DTNB: variants seen among roughly 807,000 people sequenced by gnomAD.
DTNB encodes the protein DTN-B.
A neutral mutation model predicts 90.7 loss-of-function variants in DTNB; 63 were observed. That is an observed-to-expected ratio of 0.69 (90% CI 0.57 to 0.86). The LOEUF is 0.86. DTNB is among the 40% of genes least tolerant of loss of function. The pLI is 0.00. For synonymous variants in DTNB, 277 were observed against 286.7 expected, an observed-to-expected ratio of 0.97 and a Z score of 0.34; for missense variants, 744 against 807.1, an observed-to-expected ratio of 0.92 and a Z score of 0.95.
At chr2:25,381,660 G>C (rs1297187997) in intron 19 of DTNB, among the ~76,000 whole-genome samples, 1 of 152,244 alleles carries the variant, frequency 6.6e-6, no homozygotes, top group Admixed American at 6.5e-5. Context: ...ACAGGTGTAA[G>C]CCACCATGCC....
intron 1 of DTNB, among the ~76,000 whole-genome samples, chr2:25,660,038 T>C (rs1403392534): frequency 6.6e-6 from 1 of 152,184 alleles, no homozygotes; most frequent in Non-Finnish European, 1.5e-5. Flanking sequence ...AGTGTAGTAC[T>C]GGCACAAGGA....
At chr2:25,589,122 A>G (rs1313786462) in intron 6 of DTNB, among the ~76,000 whole-genome samples, 1 of 152,196 alleles carries the variant, frequency 6.6e-6, no homozygotes. Flanking sequence ...GTCAAATGCA[A>G]TCGGAGGACA....
rs997716745 is a variant in DTNB at position 25,524,278 on chromosome 2, GA to G, written c.1001+7194del. On this transcript the variant is annotated intron_variant, in intron 9 of 20. Coordinates refer to ENST00000406818, the MANE Select transcript of DTNB (RefSeq NM_021907.5). ...GAACCATTAACACGTATTGAATACA[GA>G]AAAAAAAATCTGTAAGACATAGAAA... 6.0e-5 allele frequency among the ~76,000 whole-genome samples: 9 copies of G among 149,744 alleles called. No individual in the cohort carries two copies. The East Asian group carries it at 1.2e-3, about 19-fold the overall frequency.
At chr2:25,415,539 C>T (rs12987881) in intron 16 of DTNB, among the ~76,000 whole-genome samples, 29,713 of 151,970 alleles carry the variant, frequency 0.2, 3,618 homozygotes, top group Non-Finnish European at 0.27. Flanking sequence ...GACCGGGCTT[C>T]GGGAATCTTG....
At chr2:25,445,169 A>G (rs971357473) in intron 12 of DTNB, among the ~76,000 whole-genome samples, 2 of 152,212 alleles carry the variant, frequency 1.3e-5, no homozygotes, top group Non-Finnish European at 2.9e-5. Context: ...AACGGCATAA[A>G]ATATACTTAA....
At chr2:25,664,172 A>G (rs913889925) in intron 1 of DTNB, among the ~76,000 whole-genome samples, 1 of 152,176 alleles carries the variant, frequency 6.6e-6, no homozygotes, top group African/African-American at 2.4e-5. Context: ...GCTATTTTTT[A>G]TTACTGCTTT....
chr2:25,559,625 G>C (rs1343322391), intron 8 of DTNB, among the ~76,000 whole-genome samples: 1 of 152,188 alleles, frequency 6.6e-6, no homozygotes, highest in Non-Finnish European at 1.5e-5. Context: ...TGGGATGAAT[G>C]ACGGCCCCCC....
chr2:25,462,633 T>C (rs1195123708), intron 10 of DTNB, among the ~76,000 whole-genome samples: 3 of 152,242 alleles, frequency 2.0e-5, no homozygotes, highest in East Asian at 1.9e-4. Flanking sequence ...TATGTTGTCA[T>C]AGTCATTAGC....
Position 25,525,385 on chromosome 2 carries a change from C to G in DTNB, c.1001+6088G>C, listed in dbSNP as rs1237216598. Among the ~76,000 whole-genome samples the G allele has an allele frequency of 3.3e-5, 5 of 152,132 alleles. No homozygotes were observed. The East Asian group carries it at 9.6e-4, about 29-fold the overall frequency. On this transcript the variant is annotated intron_variant, in intron 9 of 20. Transcript: ENST00000406818. ...CCAAGCTGGGCGCAGTGGCTCACACCTGTAATCCTAGGAGGCTGAGGCAGG... is the reference window on the plus strand; with the variant it reads ...CCAAGCTGGGCGCAGTGGCTCACACGTGTAATCCTAGGAGGCTGAGGCAGG...
intron 9 of DTNB, among the ~76,000 whole-genome samples, chr2:25,487,975 G>C (rs1450318147): frequency 6.6e-6 from 1 of 152,172 alleles, no homozygotes; most frequent in Non-Finnish European, 1.5e-5. Flanking sequence ...GCTCACTCCA[G>C]AATCTTGCAG....
intron 12 of DTNB, among the ~76,000 whole-genome samples, chr2:25,440,396 TA>T (rs2057092051): frequency 1.3e-5 from 2 of 152,214 alleles, no homozygotes; most frequent in African/African-American, 4.8e-5. Context: ...TAGCTGAAGG[TA>T]AGACAGCTGT....
chr2:25,594,547 G>A (rs765862311), intron 6 of DTNB, among the ~76,000 whole-genome samples: 9 of 152,188 alleles, frequency 5.9e-5, no homozygotes, highest in Non-Finnish European at 2.9e-5. Context: ...AGGTGGGGAG[G>A]GGCCATGTGT....
At position 25,502,652 on chromosome 2, in the gene DTNB, G is replaced by A. The variant is rs150432710; in HGVS notation, c.1002-19779C>T. Among the ~76,000 whole-genome samples, 554 of 152,044 alleles carry A rather than the reference G, an allele frequency of 3.6e-3. 1 individual carries two copies. Among genetic ancestry groups the A allele is most frequent in the Non-Finnish European group, 6.5e-3 (439 of 67,962 alleles). Reference sequence around the variant, plus strand: ...TAATCCCAGCACTTTGGGCAGCCAAGGTGGGTGGATCATGAAGTCAGGAGA... The same window carrying A: ...TAATCCCAGCACTTTGGGCAGCCAAAGTGGGTGGATCATGAAGTCAGGAGA... On this transcript the variant is annotated intron_variant, in intron 9 of 20. Coordinates refer to ENST00000406818, the MANE Select transcript of DTNB (RefSeq NM_021907.5).
At chr2:25,643,361 C>T (rs1559362092) in intron 2 of DTNB, among the ~76,000 whole-genome samples, 1 of 152,180 alleles carries the variant, frequency 6.6e-6, no homozygotes, top group African/African-American at 2.4e-5. Context: ...TTCCAGGAAA[C>T]GAAGTTACAT....
chr2:25,574,156 A>G (rs1400760217), intron 8 of DTNB, among the ~76,000 whole-genome samples: 2 of 152,226 alleles, frequency 1.3e-5, no homozygotes, highest in Non-Finnish European at 2.9e-5. Flanking sequence ...GCCAACAAGA[A>G]TAGGAAAAAA....
intron 9 of DTNB, among the ~76,000 whole-genome samples, chr2:25,517,704 A>G (rs1196301505): frequency 1.3e-5 from 2 of 152,226 alleles, no homozygotes; most frequent in African/African-American, 2.4e-5. Context: ...AAGAACTGAA[A>G]GCAGGGTTTC....
intron 16 of DTNB, among the ~76,000 whole-genome samples, chr2:25,418,274 T>C (rs2048463079): frequency 2.0e-5 from 3 of 152,170 alleles, no homozygotes; most frequent in Admixed American, 1.3e-4. Flanking sequence ...TCTCACCTCC[T>C]CCCCTCACTA....
intron 12 of DTNB, among the ~76,000 whole-genome samples, chr2:25,434,725 C>T (rs886559352): frequency 1.3e-5 from 2 of 152,062 alleles, no homozygotes; most frequent in Non-Finnish European, 2.9e-5. Flanking sequence ...GGGTAGACAC[C>T]TAGGAGTAAA....
chr2:25,627,378 C>CA (rs61361395), intron 4 of DTNB, among the ~76,000 whole-genome samples: 5,448 of 151,860 alleles, frequency 0.036, 164 homozygotes, highest in African/African-American at 0.086. Context: ...CACACCATTG[C>CA]ACTCCAGCCT....
Sources: gnomAD v4.1 joint callset for allele counts (sites outside exome capture counted in the v4.1 genomes callset) on GRCh38, gnomAD v4.1.1 for gene constraint, MANE v1.5 for transcripts, NCBI Gene and HGNC (gene_info 2026-07-23, HGNC 2026-07-21) for gene names.